The following JAKMIP2 variants were observed in gnomAD, a reference collection of about 807,000 sequenced individuals.
JAKMIP2 encodes janus kinase and microtubule interacting protein 2, also known as janus kinase and microtubule-interacting protein 2.
A neutral mutation model predicts 115.0 loss-of-function variants in JAKMIP2; 25 were observed. The ratio of observed to expected loss-of-function variants is 0.22; its 90% CI spans 0.16 to 0.30. JAKMIP2 has a LOEUF of 0.30. JAKMIP2 is among the 10% of genes least tolerant of loss of function. The probability of loss-of-function intolerance (pLI) is 1.00; values close to 1 mark genes in which losing one functional copy is unlikely to be tolerated. For synonymous variants in JAKMIP2, 334 were observed against 343.6 expected (o/e 0.97, Z 0.31); for missense variants, 642 against 957.6 (o/e 0.67, Z 4.35).
intron 1 of JAKMIP2, among the ~76,000 whole-genome samples, chr5:147,699,940 C>T (rs2126881749): frequency 6.6e-6 from 1 of 152,304 alleles, no homozygotes; most frequent in African/African-American, 2.4e-5. Flanking sequence ...CATGAAGCCT[C>T]ACGTCATCCT....
At chr5:147,635,919 G>C (rs1234903590) in intron 12 of JAKMIP2, among the ~76,000 whole-genome samples, 5 of 152,230 alleles carry the variant, frequency 3.3e-5, no homozygotes, top group African/African-American at 7.2e-5. Flanking sequence ...GTGTGTGTGC[G>C]TGTATGTATA....
chr5:147,634,830 C>T (rs536464079), intron 12 of JAKMIP2, among the ~76,000 whole-genome samples: 1 of 152,266 alleles, frequency 6.6e-6, no homozygotes, highest in South Asian at 2.1e-4. Flanking sequence ...GCATCTTTTT[C>T]CTCCTTCTCA....
At chr5:147,600,101 T>G (rs1282871904) in intron 21 of JAKMIP2, among the ~76,000 whole-genome samples, 3 of 148,450 alleles carry the variant, frequency 2.0e-5, no homozygotes, top group Admixed American at 6.7e-5. Flanking sequence ...TTTTTTTTTT[T>G]TTTTTTTTTT....
intron 20 of JAKMIP2, among the ~76,000 whole-genome samples, chr5:147,606,126 G>A (rs1159098982): frequency 6.6e-6 from 1 of 152,082 alleles, no homozygotes; most frequent in Non-Finnish European, 1.5e-5. Flanking sequence ...CTCCCATTCT[G>A]TAGGTTATCT....
chr5:147,689,795 G>A (rs1330949520), intron 1 of JAKMIP2, among the ~76,000 whole-genome samples: 1 of 152,136 alleles, frequency 6.6e-6, no homozygotes, highest in African/African-American at 2.4e-5. Context: ...GCAGAATATG[G>A]CTATAGCACA....
intron 3 of JAKMIP2, among the ~76,000 whole-genome samples, chr5:147,656,046 G>A (rs575718888): frequency 2.6e-5 from 4 of 152,228 alleles, no homozygotes; most frequent in Non-Finnish European, 4.4e-5. Flanking sequence ...TCATTGCACT[G>A]TGGTCTGAGA....
At chr5:147,701,050 T>C (rs905511398) in intron 1 of JAKMIP2, among the ~76,000 whole-genome samples, 2 of 152,074 alleles carry the variant, frequency 1.3e-5, no homozygotes, top group African/African-American at 4.8e-5. Context: ...CTGTAGGCTA[T>C]GGTAAGAATT....
chr5:147,719,170 C>A (rs1753147481), intron 1 of JAKMIP2, among the ~76,000 whole-genome samples: 1 of 131,290 alleles, frequency 7.6e-6, no homozygotes, highest in South Asian at 2.6e-4. Context: ...GAGTGAGATT[C>A]TTAATCCTGA....
intron 1 of JAKMIP2, among the ~76,000 whole-genome samples, chr5:147,753,161 T>C (rs1354663662): frequency 2.0e-5 from 3 of 152,296 alleles, no homozygotes; most frequent in Admixed American, 2.0e-4. Context: ...GATTTCCGTC[T>C]CTACCCCAGC....
intron 1 of JAKMIP2, among the ~76,000 whole-genome samples, chr5:147,752,423 C>A (rs1269118084): frequency 6.6e-6 from 1 of 152,152 alleles, no homozygotes; most frequent in Admixed American, 6.5e-5. Flanking sequence ...AATACAATGA[C>A]CCACAGGCCA....
intron 10 of JAKMIP2, among the ~76,000 whole-genome samples, chr5:147,637,257 G>A (rs147123515): frequency 1.6e-3 from 243 of 151,902 alleles, no homozygotes; most frequent in Middle Eastern, 0.01. Flanking sequence ...CTTGGCATTC[G>A]AGAACTCCCA....
intron 20 of JAKMIP2, among the ~76,000 whole-genome samples, chr5:147,602,969 C>T (rs1319012708): frequency 1.3e-5 from 2 of 152,126 alleles, no homozygotes; most frequent in African/African-American, 2.4e-5. Flanking sequence ...AAAACTGTTG[C>T]TTTTCTTCAT....
At position 147,742,151 on chromosome 5, in the gene JAKMIP2, A is replaced by ATTTTTT. The variant is rs1374987918; in HGVS notation, c.-149+40304_-149+40305insAAAAAA. Among the ~76,000 whole-genome samples, 66 of 99,682 alleles carry ATTTTTT rather than the reference A, an allele frequency of 6.6e-4. 1 individual carries two copies. Among genetic ancestry groups the ATTTTTT allele is most frequent in the Admixed American group, 4.0e-3 (39 of 9,732 alleles). 65.4% of individuals were successfully genotyped at this position (99,682 alleles called of 152,430 possible). A position where few individuals can be genotyped will look rare whatever the true frequency, so the allele number is the denominator to read the frequency against. ...GCCCTGTGGATCATTATATATATAT[A>ATTTTTT]TATATTTTTTTTACTATTGTATTGT... On this transcript the variant is annotated intron_variant, in intron 1 of 21. Coordinates refer to ENST00000616793, the MANE Select transcript of JAKMIP2 (RefSeq NM_001270941.2).
chr5:147,697,780 G>A (rs1752163141), intron 1 of JAKMIP2, among the ~76,000 whole-genome samples: 1 of 152,220 alleles, frequency 6.6e-6, no homozygotes, highest in Non-Finnish European at 1.5e-5. Context: ...AGATTTCAGA[G>A]GATGTACAAA....
intron 1 of JAKMIP2, among the ~76,000 whole-genome samples, chr5:147,738,059 G>A (rs970967796): frequency 5.3e-5 from 8 of 152,026 alleles, no homozygotes; most frequent in African/African-American, 9.7e-5. Flanking sequence ...GTGAGCACAC[G>A]TTTGAGAGAC....
intron 12 of JAKMIP2, among the ~76,000 whole-genome samples, chr5:147,635,397 T>TA (rs140337640): frequency 0.18 from 26,683 of 151,304 alleles, 2,644 homozygotes; most frequent in East Asian, 0.37. Context: ...AGTATTCATC[T>TA]AAAAAAAATC....
chr5:147,676,759 C>G (rs542472914), intron 1 of JAKMIP2, among the ~76,000 whole-genome samples: 2 of 152,312 alleles, frequency 1.3e-5, no homozygotes, highest in Admixed American at 6.5e-5. Flanking sequence ...GAAAGTTTTG[C>G]ATTTTGAAGA....
At chr5:147,657,370 C>T (rs954958297) in intron 3 of JAKMIP2, among the ~76,000 whole-genome samples, 11 of 152,208 alleles carry the variant, frequency 7.2e-5, no homozygotes, top group South Asian at 2.1e-4. Context: ...TTGAGAGATC[C>T]GCTGGTAGTC....
At chr5:147,649,330 T>A (rs1758280597) in intron 4 of JAKMIP2, among the ~76,000 whole-genome samples, 1 of 152,192 alleles carries the variant, frequency 6.6e-6, no homozygotes. Context: ...AAGTAACTAA[T>A]ATGTATTAAA....
Sources: gnomAD v4.1 joint callset for allele counts (sites outside exome capture counted in the v4.1 genomes callset) on GRCh38, gnomAD v4.1.1 for gene constraint, MANE v1.5 for transcripts, NCBI Gene and HGNC (gene_info 2026-07-23, HGNC 2026-07-21) for gene names.